Variants in COIL observed in about 807,000 individuals in gnomAD.
COIL encodes coilin.
In COIL, 28 loss-of-function variants were observed where a neutral mutation model predicts 51.6. The ratio of observed to expected loss-of-function variants is 0.54; its 90% CI spans 0.40 to 0.74. The LOEUF (loss-of-function observed/expected upper bound fraction) is 0.74. COIL is among the 30% of genes least tolerant of loss of function. The probability of loss-of-function intolerance (pLI) is 0.00; values close to 1 mark genes in which losing one functional copy is unlikely to be tolerated. For missense variants in COIL, 667 were observed against 685.9 expected (o/e 0.97, Z 0.31); for synonymous variants, 233 against 255.8 (o/e 0.91, Z 0.85).
Position 56,949,869 on chromosome 17 carries a change from T to C in COIL, c.1353+20A>G, listed in dbSNP as rs370754186. On this transcript the variant is annotated intron_variant, in intron 2 of 6. Coordinates refer to ENST00000240316, the MANE Select transcript of COIL (RefSeq NM_004645.3). ...TCTAAGGGGAAAGGGAGGAGATAACTTACAAAAAATAATACTTACCTGGAT... is the reference window on the plus strand; with the variant it reads ...TCTAAGGGGAAAGGGAGGAGATAACCTACAAAAAATAATACTTACCTGGAT... 3.1e-6 allele frequency: 5 copies of C among 1,610,146 alleles called. No individual in the cohort carries two copies. The highest frequency in any genetic ancestry group is 4.2e-6 in the Non-Finnish European group (5 of 1,177,760).
At chr17:56,959,628 T>G (rs1035701929) in intron 1 of COIL, among the ~76,000 whole-genome samples, 25 of 152,292 alleles carry the variant, frequency 1.6e-4, no homozygotes, top group Admixed American at 1.1e-3. Flanking sequence ...ACCAGAAGTC[T>G]CAGGGGACAC....
intron 1 of COIL, 66 bp downstream of exon 1, chr17:56,960,709 C>A: frequency 7.5e-7 from 1 of 1,332,076 alleles, no homozygotes; most frequent in Non-Finnish European, 9.8e-7. Context: ...GCTTCAGGCC[C>A]GGGCGTGCGC....
In COIL at chr17:56,960,864, A is replaced by G. The variant is rs1385274744; in HGVS notation, c.156T>C (p.Ser52=). 8 of 1,613,726 alleles carry G rather than the reference A, an allele frequency of 5.0e-6. No individual in the cohort carries two copies. The highest frequency in any genetic ancestry group is 1.3e-5 in the African/African-American group (1 of 74,942). ...ISLIRQRFGF[S]SGAFLGLYLE... ...GGTAGAGGCCTAGGAAGGCCCCAGA[A>G]CTGAAGCCGAAGCGCTGGCGGATGA... is the stretch of plus-strand genomic sequence containing the variant. The change falls in exon 1 of 7, where the codon AGT becomes AGC. Residue 52 remains serine (S), a synonymous_variant. Transcript: ENST00000240316.
intron 6 of COIL, chr17:56,939,987 T>G (rs574500243): frequency 6.6e-6 from 1 of 152,160 alleles, no homozygotes; most frequent in African/African-American, 2.4e-5. Flanking sequence ...GCTCTGTAGT[T>G]CTTATCCTAC....
At chr17:56,947,321 G>A (rs928845358) in intron 4 of COIL, among the ~76,000 whole-genome samples, 4 of 152,100 alleles carry the variant, frequency 2.6e-5, no homozygotes, top group Admixed American at 2.6e-4. Context: ...GATCAAGCTG[G>A]ATAACTGCGT....
intron 1 of COIL, among the ~76,000 whole-genome samples, chr17:56,952,718 CTT>C (rs1282562315): frequency 6.6e-6 from 1 of 152,062 alleles, no homozygotes; most frequent in Non-Finnish European, 1.5e-5. Context: ...ACTAAGTGAA[CTT>C]AGGACTTCTC....
At chr17:56,953,055 G>A (rs1287341472) in intron 1 of COIL, among the ~76,000 whole-genome samples, 3 of 152,080 alleles carry the variant, frequency 2.0e-5, no homozygotes, top group African/African-American at 7.2e-5. Context: ...AGGTGGTAGG[G>A]TGGCTTGAGC....
rs150027164 is a variant in COIL, at chr17:56,946,468, T to C, written c.1532A>G (p.Asp511Gly). 5.4e-5 allele frequency: 87 copies of C among 1,610,802 alleles called. No individual in the cohort carries two copies. The highest frequency in any genetic ancestry group is 7.4e-5 in the Non-Finnish European group (87 of 1,177,652). Reference protein sequence around the residue: ...LSHNPETQQVDIEILSSLPAL... With the variant: ...LSHNPETQQVGIEILSSLPAL... ...AGGTAAGGATGAAAGAATTTCTATATCTACTTGCTGGGTCTCTGGATTGTG... is the reference window on the plus strand; with the variant it reads ...AGGTAAGGATGAAAGAATTTCTATACCTACTTGCTGGGTCTCTGGATTGTG... The change falls in exon 5 of 7, where the codon GAT (aspartate) becomes GGT (glycine). Residue 511 changes from aspartate (D) to glycine (G), a missense_variant. Coordinates refer to ENST00000240316, the MANE Select transcript of COIL (RefSeq NM_004645.3).
rs1910330023 is a variant in COIL at position 56,950,127 on chromosome 17, G to A, written c.1115C>T (p.Ser372Leu). 1 of 1,614,134 alleles carries A rather than the reference G, an allele frequency of 6.2e-7. No individual in the cohort carries two copies. The highest frequency in any genetic ancestry group is 8.5e-7 in the Non-Finnish European group (1 of 1,180,036). The change falls in exon 2 of 7, where the codon TCA (serine) becomes TTA (leucine). Residue 372 changes from serine (S) to leucine (L), a missense_variant. Transcript: ENST00000240316. The part of the protein sequence containing the change: ...AGAAGWRRSG[S>L]NGGGQAPGAS... ...ACCAGGAGCCTGTCCACCACCATTT[G>A]AGCCAGAACGCCTCCATCCAGCAGC...
chr17:56,949,535 G>A lies in COIL; in HGVS notation c.1441-101C>T, dbSNP rs1910313875. ...CATGTTGGCGTGTCCACCCCGACCAGTCTGGGAGCCCTACCAGGAACCCGT... is the reference window on the plus strand; with the variant it reads ...CATGTTGGCGTGTCCACCCCGACCAATCTGGGAGCCCTACCAGGAACCCGT... On this transcript the variant is annotated intron_variant, in intron 3 of 6. Transcript: ENST00000240316. The A allele has an allele frequency of 2.1e-6, 3 of 1,431,224 alleles. No homozygotes were observed. In the Admixed American group the frequency reaches 5.2e-5, roughly 25 times the overall value. The allele number at this position is 1,431,224 out of a possible 1,614,324, so 88.7% of individuals were successfully genotyped here.
chr17:56,947,976 C>T (rs549754337), intron 4 of COIL, among the ~76,000 whole-genome samples: 1 of 152,200 alleles, frequency 6.6e-6, no homozygotes, highest in Non-Finnish European at 1.5e-5. Context: ...CCCTTTGACT[C>T]ACAAGTATCC....
At position 56,938,990 on chromosome 17, in the gene COIL, CT is replaced by C. The variant is rs1910094100; in HGVS notation, c.*80del. On this transcript the variant is annotated 3_prime_UTR_variant, in exon 7 of 7. Transcript: ENST00000240316. ...AAAATCCATACAACTTCCAAATCCT[CT>C]TTAAAAAAAAAAAAAAGTTTGGGTT... 4.6e-5 allele frequency: 34 copies of C among 745,832 alleles called. No homozygotes were observed. The highest frequency in any genetic ancestry group is 5.5e-5 in the South Asian group (3 of 54,622). 46.2% of individuals were successfully genotyped at this position (745,832 alleles called of 1,614,324 possible). A position where few individuals can be genotyped will look rare whatever the true frequency, so the allele number is the denominator to read the frequency against.
intron 3 of COIL, 112 bp downstream of exon 3, chr17:56,949,569 T>C: frequency 1.5e-6 from 2 of 1,355,244 alleles, no homozygotes; most frequent in Non-Finnish European, 1.1e-6. Context: ...GTAACAACAC[T>C]GGGGTTCCAG....
In COIL at chr17:56,947,034, C is replaced by T. The variant is rs185551079; in HGVS notation, c.1489-523G>A. 3.3e-5 allele frequency among the ~76,000 whole-genome samples: 5 copies of T among 152,260 alleles called. No individual in the cohort carries two copies. The East Asian group carries it at 7.7e-4, about 23-fold the overall frequency. ...GTTAAGATCCCAATTCTCCTTCTCC[C>T]AGGTCTCCAGCTGTGGGAGCTGATT... On this transcript the variant is annotated intron_variant, in intron 4 of 6. Transcript: ENST00000240316.
At chr17:56,951,766 C>T (rs979251706) in intron 1 of COIL, 2 of 152,258 alleles carry the variant, frequency 1.3e-5, no homozygotes, top group African/African-American at 2.4e-5. Context: ...TCCAAAGTAA[C>T]TGTCCGTTTT....
At chr17:56,952,351 G>A (rs986507441) in intron 1 of COIL, 14 of 442,348 alleles carry the variant, frequency 3.2e-5, no homozygotes, top group African/African-American at 6.1e-5. Context: ...CATAGACCAC[G>A]AAGAAGCAAG....
intron 6 of COIL, 97 bp downstream of exon 6, chr17:56,941,938 C>T (rs1910156488): frequency 1.0e-6 from 1 of 987,538 alleles, no homozygotes; most frequent in Non-Finnish European, 1.6e-6. Flanking sequence ...GTCAGATTCC[C>T]CCCAGGGCCT....
chr17:56,944,541 G>A (rs1264795859), intron 5 of COIL, among the ~76,000 whole-genome samples: 2 of 150,708 alleles, frequency 1.3e-5, no homozygotes, highest in Non-Finnish European at 3.0e-5. Flanking sequence ...GCACTGAGCC[G>A]AGATCGCCCA....
rs1910329752 is a variant in COIL at position 56,950,118 on chromosome 17, C to A, written c.1124G>T (p.Gly375Val). ...GGGAGAAGCACCAGGAGCCTGTCCA[C>A]CACCATTTGAGCCAGAACGCCTCCA... is the stretch of plus-strand genomic sequence containing the variant. ...AGWRRSGSNG[G>V]GQAPGASPSV... is the part of the protein sequence containing the mutation. Residue 375 changes from glycine (G) to valine (V), a missense_variant, in exon 2 of 7, where the codon GGT becomes GTT. Physicochemically the swap from Gly to Val is moderately radical, Grantham distance 109. Coordinates refer to ENST00000240316, the MANE Select transcript of COIL (RefSeq NM_004645.3). The A allele has an allele frequency of 6.2e-7, 1 of 1,614,022 alleles. No homozygotes were observed. Among genetic ancestry groups the A allele is most frequent in the African/African-American group, 1.3e-5 (1 of 74,912 alleles).
Sources: gnomAD v4.1 joint callset for allele counts (sites outside exome capture counted in the v4.1 genomes callset) on GRCh38, gnomAD v4.1.1 for gene constraint, MANE v1.5 for transcripts, NCBI Gene and HGNC (gene_info 2026-07-23, HGNC 2026-07-21) for gene names.